The following CNTN4 variants were observed in gnomAD, a reference collection of about 807,000 sequenced individuals.
CNTN4 encodes contactin 4, also known as contactin-4.
A neutral mutation model predicts 122.5 loss-of-function variants in CNTN4; 77 were observed. The ratio of observed to expected loss-of-function variants is 0.63; its 90% CI spans 0.52 to 0.76. The LOEUF (loss-of-function observed/expected upper bound fraction) is 0.76. Ranked by LOEUF, CNTN4 falls within the 30% of genes least tolerant of loss-of-function variation. The probability of loss-of-function intolerance (pLI) is 0.00; values close to 1 mark genes in which losing one functional copy is unlikely to be tolerated. For missense variants in CNTN4, 1,256 were observed against 1,259.1 expected, an observed-to-expected ratio of 1.00 and a Z score of 0.04; for synonymous variants, 512 against 447.0, an observed-to-expected ratio of 1.15 and a Z score of -1.83.
chr3:2,539,567 G>C (rs1308784633), intron 3 of CNTN4, among the ~76,000 whole-genome samples: 1 of 152,042 alleles, frequency 6.6e-6, no homozygotes, highest in Non-Finnish European at 1.5e-5. Flanking sequence ...ATAATAAGCC[G>C]TCCATGGTAT....
intron 2 of CNTN4, among the ~76,000 whole-genome samples, chr3:2,261,381 G>C (rs1262178950): frequency 6.6e-6 from 1 of 152,096 alleles, no homozygotes; most frequent in Non-Finnish European, 1.5e-5. Flanking sequence ...TAATGGCATG[G>C]ATATGTTACT....
At chr3:2,311,183 A>T (rs1373957747) in intron 2 of CNTN4, among the ~76,000 whole-genome samples, 1 of 152,084 alleles carries the variant, frequency 6.6e-6, no homozygotes, top group Non-Finnish European at 1.5e-5. Context: ...CCCACTCCTG[A>T]TTCAACCTGT....
chr3:2,947,362 A>C (rs2094689808), intron 13 of CNTN4, among the ~76,000 whole-genome samples: 1 of 152,184 alleles, frequency 6.6e-6, no homozygotes, highest in African/African-American at 2.4e-5. Flanking sequence ...ATTCATTTTT[A>C]TGACCTGCTT....
chr3:2,829,208 A>T (rs2093050348), intron 7 of CNTN4, among the ~76,000 whole-genome samples: 2 of 152,174 alleles, frequency 1.3e-5, no homozygotes, highest in South Asian at 4.1e-4. Flanking sequence ...TGATTTAATC[A>T]GCATAGAATA....
chr3:2,647,990 T>C (rs778410590), intron 4 of CNTN4, among the ~76,000 whole-genome samples: 84 of 152,230 alleles, frequency 5.5e-4, no homozygotes, highest in Admixed American at 4.6e-3. Flanking sequence ...TTGACGCTTA[T>C]GCAAATTGCT....
intron 2 of CNTN4, among the ~76,000 whole-genome samples, chr3:2,280,407 AT>A (rs2041673679): frequency 6.6e-6 from 1 of 152,102 alleles, no homozygotes; most frequent in African/African-American, 2.4e-5. Context: ...TTTGTTTCTT[AT>A]TTTGTTTGTT....
chr3:3,019,139 A>G (rs1698038978), intron 14 of CNTN4, among the ~76,000 whole-genome samples: 1 of 152,154 alleles, frequency 6.6e-6, no homozygotes, highest in African/African-American at 2.4e-5. Context: ...AGAAGGAAAG[A>G]TAGCAATGGA....
At chr3:2,241,091 C>A (rs1341579350) in intron 2 of CNTN4, among the ~76,000 whole-genome samples, 3 of 151,878 alleles carry the variant, frequency 2.0e-5, no homozygotes, top group African/African-American at 4.8e-5. Context: ...GAATGCAAAT[C>A]AGTATAAACA....
intron 5 of CNTN4, among the ~76,000 whole-genome samples, chr3:2,737,360 C>T (rs905868866): frequency 2.0e-5 from 3 of 152,116 alleles, no homozygotes; most frequent in Non-Finnish European, 4.4e-5. Flanking sequence ...GGATTACAGG[C>T]ATGAACCACC....
intron 3 of CNTN4, among the ~76,000 whole-genome samples, chr3:2,341,097 CCCTTGCTTTTA>C (rs1220425432): frequency 6.6e-6 from 1 of 152,098 alleles, no homozygotes; most frequent in East Asian, 1.9e-4. Flanking sequence ...GCTGTGTTTT[CCCTTGCTTTTA>C]CTTACTCTGT....
At chr3:2,738,734 C>G (rs1026770787) in intron 5 of CNTN4, among the ~76,000 whole-genome samples, 1 of 151,994 alleles carries the variant, frequency 6.6e-6, no homozygotes, top group Admixed American at 6.6e-5. Flanking sequence ...AATTGGAACC[C>G]TACTGCGCAG....
At chr3:2,963,442 A>C (rs1208541725) in intron 13 of CNTN4, among the ~76,000 whole-genome samples, 6 of 152,104 alleles carry the variant, frequency 3.9e-5, no homozygotes. Flanking sequence ...TCTAGCCCAA[A>C]CCTTAGCAGC....
chr3:3,006,460 G>C (rs946596342), intron 14 of CNTN4, among the ~76,000 whole-genome samples: 15 of 152,090 alleles, frequency 9.9e-5, no homozygotes, highest in Non-Finnish European at 4.4e-5. Flanking sequence ...CAACTAGAAG[G>C]TCCCTTTGCG....
rs575731987 is a variant in CNTN4 at position 2,451,469 on chromosome 3, C to T, written c.-89+112236C>T. On this transcript the variant is annotated intron_variant, in intron 3 of 24. Coordinates refer to ENST00000418658, the MANE Select transcript of CNTN4 (RefSeq NM_175607.3). Reference sequence around the variant, plus strand: ...GTCTTAAAAAAAAAAAAAGAAAAGACAACCCCAGAGGGTTGAAATCAGTTT... The same window carrying T: ...GTCTTAAAAAAAAAAAAAGAAAAGATAACCCCAGAGGGTTGAAATCAGTTT... 5.5e-3 allele frequency among the ~76,000 whole-genome samples: 815 copies of T among 147,976 alleles called. 6 individuals carry two copies. Among genetic ancestry groups the T allele is most frequent in the African/African-American group, 0.015 (623 of 40,482 alleles).
At chr3:2,564,492 C>A (rs1185974641) in intron 3 of CNTN4, among the ~76,000 whole-genome samples, 3 of 152,242 alleles carry the variant, frequency 2.0e-5, no homozygotes, top group Non-Finnish European at 2.9e-5. Flanking sequence ...GTCTTTACTT[C>A]ATTTAACTAA....
chr3:2,695,467 C>T (rs1559396752), intron 4 of CNTN4, among the ~76,000 whole-genome samples: 1 of 152,198 alleles, frequency 6.6e-6, no homozygotes, highest in Non-Finnish European at 1.5e-5. Flanking sequence ...AATACTTTTT[C>T]AAAGGAATTG....
intron 3 of CNTN4, among the ~76,000 whole-genome samples, chr3:2,399,033 G>A (rs1438153571): frequency 6.6e-6 from 1 of 152,002 alleles, no homozygotes; most frequent in Non-Finnish European, 1.5e-5. Flanking sequence ...TTGGGGAGAA[G>A]CAACATACAG....
intron 3 of CNTN4, among the ~76,000 whole-genome samples, chr3:2,541,355 A>G (rs1268261179): frequency 6.6e-6 from 1 of 152,090 alleles, no homozygotes; most frequent in Non-Finnish European, 1.5e-5. Flanking sequence ...TATGTATTCA[A>G]TACTTTTCTA....
chr3:2,566,711 G>A (rs2079176348), intron 3 of CNTN4, among the ~76,000 whole-genome samples: 1 of 152,172 alleles, frequency 6.6e-6, no homozygotes, highest in Non-Finnish European at 1.5e-5. Context: ...AAGAAAGATA[G>A]GGCTTCTGGC....
Sources: allele counts gnomAD v4.1 joint callset (sites outside exome capture counted in the v4.1 genomes callset), GRCh38; gene constraint gnomAD v4.1.1; transcripts MANE v1.5; gene names NCBI Gene and HGNC (gene_info 2026-07-23, HGNC 2026-07-21).